The following NUP155 variants were observed in gnomAD, a reference collection of about 807,000 sequenced individuals.
The protein encoded by NUP155 is nucleoporin 155, also known as nuclear pore complex protein Nup155.
In NUP155, 71 loss-of-function variants were observed where a neutral mutation model predicts 180.4. The ratio of observed to expected loss-of-function variants is 0.39; its 90% confidence interval spans 0.33 to 0.48. NUP155 has a LOEUF of 0.48. NUP155 is among the 20% of genes least tolerant of loss of function. The pLI, the probability that NUP155 is intolerant of heterozygous loss-of-function variation, is 0.91. For synonymous variants in NUP155, 582 were observed against 559.5 expected (o/e 1.04, Z -0.57); for missense variants, 1,553 against 1,648.9 (o/e 0.94, Z 1.01).
rs993167599 is a variant in NUP155 at position 37,337,730 on chromosome 5, C to T, written c.1347+88G>A. 3 of 747,498 alleles carry T rather than the reference C, an allele frequency of 4.0e-6. No individual in the cohort carries two copies. In the African/African-American group the frequency reaches 5.3e-5, roughly 13 times the overall value. The allele number at this position is 747,498 out of a possible 1,614,324, so 46.3% of individuals were successfully genotyped here. ...ATAATACGTTATTAGAAGCAAACAG[C>T]AATACATCAGAAGATAAAAGTTTCT... On this transcript the variant is annotated intron_variant, in intron 12 of 34. Coordinates refer to ENST00000231498, the MANE Select transcript of NUP155 (RefSeq NM_153485.3).
chr5:37,342,737 T>C, intron 9 of NUP155, 91 bp from the exon 10 acceptor site: 2 of 942,758 alleles, frequency 2.1e-6, no homozygotes, highest in Non-Finnish European at 1.7e-6. Flanking sequence ...CATATTTCCA[T>C]ATTTTCCTTT....
At chr5:37,332,034 A>C (rs867988633) in intron 13 of NUP155, among the ~76,000 whole-genome samples, 1 of 152,060 alleles carries the variant, frequency 6.6e-6, no homozygotes, top group Non-Finnish European at 1.5e-5. Context: ...CTACTTCTCT[A>C]CTCAACCTCC....
At chr5:37,303,527 A>G in intron 27 of NUP155, 113 bp from the exon 28 acceptor site, 1 of 859,802 alleles carries the variant, frequency 1.2e-6, no homozygotes, top group Non-Finnish European at 1.9e-6. Context: ...GTTTTATGAA[A>G]ACAAGCAAAA....
At chr5:37,309,040 T>C in intron 24 of NUP155, 89 bp downstream of exon 24, 2 of 1,348,160 alleles carry the variant, frequency 1.5e-6, no homozygotes, top group Non-Finnish European at 2.1e-6. Context: ...ATCTGGAAAG[T>C]GGCTTTTCAT....
At chr5:37,354,827 C>G (rs1355723371) in intron 4 of NUP155, among the ~76,000 whole-genome samples, 1 of 151,964 alleles carries the variant, frequency 6.6e-6, no homozygotes, top group Admixed American at 6.5e-5. Context: ...CGTGGTGGCT[C>G]ACGCCTGTAA....
At position 37,324,070 on chromosome 5, in the gene NUP155, A is replaced by G. The variant is rs1744425225; in HGVS notation, c.2129T>C (p.Val710Ala). The G allele has an allele frequency of 6.2e-7, 1 of 1,613,864 alleles. No homozygotes were observed. Among genetic ancestry groups the G allele is most frequent in the East Asian group, 2.2e-5 (1 of 44,834 alleles). Residue 710 changes from valine to alanine, a missense_variant, in exon 20 of 35, where the codon GTG (valine) becomes GCG (alanine). By Grantham distance (64) the Val-to-Ala change is moderately conservative (BLOSUM62 0). Coordinates refer to ENST00000231498, the MANE Select transcript of NUP155 (RefSeq NM_153485.3). ...CTGCAAACCCTTTAGTTCTTGTAGC[A>G]CTGACTCTAGCAGTTGGCAGGGAAC... ...SSVPCQLLES[V>A]LQELKGLQEF... is the part of the protein sequence containing the mutation.
intron 11 of NUP155, among the ~76,000 whole-genome samples, chr5:37,340,647 A>C: frequency 6.6e-6 from 1 of 152,196 alleles, no homozygotes; most frequent in African/African-American, 2.4e-5. Flanking sequence ...GGGATATAAT[A>C]GTCTTTTCAA....
intron 10 of NUP155, among the ~76,000 whole-genome samples, chr5:37,341,775 C>A (rs966490712): frequency 1.3e-5 from 2 of 152,154 alleles, no homozygotes; most frequent in African/African-American, 4.8e-5. Context: ...CTCCTGACCT[C>A]AGGATCCACC....
At chr5:37,306,687 G>C (rs1005371822) in intron 25 of NUP155, among the ~76,000 whole-genome samples, 3 of 151,780 alleles carry the variant, frequency 2.0e-5, no homozygotes, top group Non-Finnish European at 4.4e-5. Context: ...GGCTGGTCTC[G>C]AACTCCTGAC....
chr5:37,315,857 T>C (rs902996076), intron 21 of NUP155, among the ~76,000 whole-genome samples: 1 of 152,274 alleles, frequency 6.6e-6, no homozygotes, highest in South Asian at 2.1e-4. Flanking sequence ...GCAGAATTGC[T>C]TGAACCTGGG....
chr5:37,305,267 T>TTAACTAGAAAGCAA, intron 25 of NUP155, 57 bp from the exon 26 acceptor site: 1 of 1,490,274 alleles, frequency 6.7e-7, no homozygotes, highest in Admixed American at 1.7e-5. Flanking sequence ...CAAATGATGG[T>TTAACTAGAAAGCAA]AAGTGTGGTG....
At chr5:37,369,343 A>G (rs936368045) in intron 1 of NUP155, among the ~76,000 whole-genome samples, 2 of 152,250 alleles carry the variant, frequency 1.3e-5, no homozygotes, top group Admixed American at 6.5e-5. Context: ...AAAAAAGAAC[A>G]TTGCAGAAAC....
chr5:37,348,762 C>G (rs1272654026), intron 8 of NUP155, among the ~76,000 whole-genome samples, 166 bp from the exon 9 acceptor site: 1 of 145,628 alleles, frequency 6.9e-6, no homozygotes, highest in African/African-American at 2.5e-5. Flanking sequence ...GTGAGTTGGG[C>G]TTTTTTTTTT....
intron 21 of NUP155, among the ~76,000 whole-genome samples, chr5:37,317,228 T>C (rs1040093313): frequency 6.2e-5 from 9 of 145,568 alleles, no homozygotes; most frequent in Non-Finnish European, 1.4e-4. Flanking sequence ...GTGGCTCACA[T>C]CTGTAATCCC....
chr5:37,314,669 C>T (rs1259710319), intron 21 of NUP155, among the ~76,000 whole-genome samples: 3 of 151,868 alleles, frequency 2.0e-5, no homozygotes, highest in Non-Finnish European at 4.4e-5. Context: ...AACTCGGTCT[C>T]TACTAAAAAC....
chr5:37,340,486 T>A (rs757731507), intron 11 of NUP155, among the ~76,000 whole-genome samples: 2 of 151,364 alleles, frequency 1.3e-5, no homozygotes, highest in Non-Finnish European at 2.9e-5. Context: ...CACTTATCAA[T>A]TTCAAAACTT....
chr5:37,370,125 C>A (rs1169716238), intron 1 of NUP155, among the ~76,000 whole-genome samples: 4 of 152,190 alleles, frequency 2.6e-5, no homozygotes, highest in Non-Finnish European at 4.4e-5. Flanking sequence ...AATCCCAGCA[C>A]TTTGGGAGGC....
At chr5:37,341,339 C>T (rs1473669400) in intron 10 of NUP155, 97 bp from the exon 11 acceptor site, 1 of 1,017,748 alleles carries the variant, frequency 9.8e-7, no homozygotes. Flanking sequence ...CAACACTCTG[C>T]TAAAACCATA....
intron 1 of NUP155, among the ~76,000 whole-genome samples, chr5:37,366,030 C>T (rs937706903): frequency 3.3e-5 from 5 of 151,720 alleles, no homozygotes; most frequent in African/African-American, 9.7e-5. Flanking sequence ...TCCCCAAGAC[C>T]ACTAAGACAA....
Sources: allele counts gnomAD v4.1 joint callset (sites outside exome capture counted in the v4.1 genomes callset), GRCh38; gene constraint gnomAD v4.1.1; transcripts MANE v1.5; gene names NCBI Gene and HGNC (gene_info 2026-07-23, HGNC 2026-07-21).